ZNF442: variants seen among roughly 807,000 people sequenced by gnomAD.
ZNF442 encodes zinc finger protein 442.
ZNF442 carries 45 observed loss-of-function variants against 57.0 expected under a neutral mutation model. That is an observed-to-expected ratio of 0.79 (90% CI 0.62 to 1.01). The LOEUF (loss-of-function observed/expected upper bound fraction) is 1.01, where lower values mean the gene tolerates loss of function less well. Among genes scored for constraint, ZNF442 ranks in the 50% least tolerant of loss-of-function variants. The pLI, the probability that ZNF442 is intolerant of heterozygous loss-of-function variation, is 0.00. For synonymous variants in ZNF442, 213 were observed against 241.8 expected (o/e 0.88, Z 1.10); for missense variants, 690 against 756.5 (o/e 0.91, Z 1.03).
At chr19:12,352,361 G>T (rs552668691) in intron 4 of ZNF442, among the ~76,000 whole-genome samples, 1 of 152,206 alleles carries the variant, frequency 6.6e-6, no homozygotes, top group Non-Finnish European at 1.5e-5. Context: ...GGGACTACAG[G>T]TGTGCACCAC....
At chr19:12,366,880 C>T (rs905296162), upstream of ZNF442, among the ~76,000 whole-genome samples, 7 of 152,206 alleles carry the variant, frequency 4.6e-5, no homozygotes, top group South Asian at 2.1e-4. Context: ...GGCAATCCGC[C>T]GGCCTCGGCC....
At chr19:12,360,746 G>C (rs1404466229) in intron 3 of ZNF442, among the ~76,000 whole-genome samples, 2 of 152,058 alleles carry the variant, frequency 1.3e-5, no homozygotes, top group Admixed American at 1.3e-4. Flanking sequence ...CCGTGGTGGT[G>C]GTGGGCGCCT....
At position 12,350,686 on chromosome 19, in the gene ZNF442, C is replaced by T. The variant is rs1473301722; in HGVS notation, c.899G>A (p.Arg300Lys). Residue 300 changes from arginine to lysine, a missense_variant, in exon 6 of 6, where the codon AGA becomes AAA. By Grantham distance (26) the Arg-to-Lys change is conservative. Coordinates refer to ENST00000242804, the MANE Select transcript of ZNF442 (RefSeq NM_030824.3). ...EKPYKCKRCG[R>K]AFSVSSSLRI... is the part of the protein sequence containing the mutation. ...AAGGGAACTGGAAACACTGAAGGCT[C>T]TTCCACATCGTTTACATTTATAGGG... 1 of 1,612,800 alleles carries T rather than the reference C, an allele frequency of 6.2e-7. No individual in the cohort carries two copies. Among genetic ancestry groups the T allele is most frequent in the South Asian group, 1.1e-5 (1 of 90,962 alleles).
intron 3 of ZNF442, among the ~76,000 whole-genome samples, chr19:12,358,201 G>A (rs1003265236): frequency 6.6e-6 from 1 of 152,048 alleles, no homozygotes; most frequent in Non-Finnish European, 1.5e-5. Flanking sequence ...CTGACCTCAT[G>A]ATCCACCTGC....
chr19:12,349,723 G>T lies in ZNF442; in HGVS notation c.1862C>A (p.Thr621Asn). 1 of 1,609,624 alleles carries T rather than the reference G, an allele frequency of 6.2e-7. No individual in the cohort carries two copies. Among genetic ancestry groups the T allele is most frequent in the Non-Finnish European group, 8.5e-7 (1 of 1,177,968 alleles). ...CATTTATAGAGTATCTCTCCAGTGA[G>T]TCCTTTTATGTCTATGCAAGGAACT... Reference protein sequence around the residue: ...SLSSLHRHKRTHWRDTL With the variant: ...SLSSLHRHKRNHWRDTL The change falls in exon 6 of 6, where the codon ACT becomes AAT. Residue 621 changes from threonine (T) to asparagine (N), a missense_variant. By Grantham distance (65) the Thr-to-Asn change is moderately conservative (BLOSUM62 0). Coordinates refer to ENST00000242804, the MANE Select transcript of ZNF442 (RefSeq NM_030824.3).
At chr19:12,356,046 G>A (rs1434654989) in intron 3 of ZNF442, among the ~76,000 whole-genome samples, 3 of 151,470 alleles carry the variant, frequency 2.0e-5, no homozygotes, top group Non-Finnish European at 4.4e-5. Context: ...TTTCAAATGA[G>A]GAGTCTTCCA....
the ZNF442 span, among the ~76,000 whole-genome samples, chr19:12,372,517 T>A: frequency 6.6e-6 from 1 of 151,996 alleles, no homozygotes; most frequent in Non-Finnish European, 1.5e-5. Context: ...TCTAGAGGAA[T>A]ATAAAAGACA....
chr19:12,371,884 A>G, the ZNF442 span, among the ~76,000 whole-genome samples: 2 of 152,216 alleles, frequency 1.3e-5, no homozygotes, highest in Non-Finnish European at 2.9e-5. Flanking sequence ...ACACAGGAAC[A>G]GGCAAACATT....
intron 1 of ZNF442, 72 bp downstream of exon 1, chr19:12,365,461 G>A: frequency 2.6e-6 from 1 of 382,956 alleles, no homozygotes; most frequent in East Asian, 7.9e-5. Flanking sequence ...CCCGGGTCCC[G>A]CCACAGCCGG....
Position 12,351,983 on chromosome 19 carries a change from T to C in ZNF442, c.266+27A>G, listed in dbSNP as rs563300387. ...TCCTAAGAATTGCTCCACAGATATA[T>C]GTCTTTCTCTTGTGAGTGCAAATTA... On this transcript the variant is annotated intron_variant, in intron 5 of 5. Coordinates refer to ENST00000242804, the MANE Select transcript of ZNF442 (RefSeq NM_030824.3). The C allele has an allele frequency of 5.5e-5, 88 of 1,605,900 alleles. 1 individual carries two copies. The South Asian group carries it at 9.5e-4, about 17-fold the overall frequency.
intron 3 of ZNF442, among the ~76,000 whole-genome samples, chr19:12,354,567 T>A (rs77296483): frequency 2.8e-5 from 4 of 144,538 alleles, no homozygotes; most frequent in Non-Finnish European, 6.1e-5. Context: ...AGATAAAGAA[T>A]TTTTTTTTTT....
At chr19:12,352,156 A>G (rs1599587873) in intron 4 of ZNF442, 86 bp from the exon 5 acceptor site, 1 of 1,289,354 alleles carries the variant, frequency 7.8e-7, no homozygotes. Flanking sequence ...GGAATCATGC[A>G]TGATTCATTC....
At chr19:12,354,735 T>C (rs1343182571) in intron 3 of ZNF442, among the ~76,000 whole-genome samples, 1 of 152,210 alleles carries the variant, frequency 6.6e-6, no homozygotes, top group Admixed American at 6.5e-5. Flanking sequence ...CACACTCAGC[T>C]AAAACATTTA....
chr19:12,352,258 C>A (rs1283775150), intron 4 of ZNF442, among the ~76,000 whole-genome samples, 188 bp from the exon 5 acceptor site: 1 of 152,076 alleles, frequency 6.6e-6, no homozygotes, highest in Non-Finnish European at 1.5e-5. Context: ...CGCTCTGTTG[C>A]CCAGGCTGGA....
chr19:12,371,670 A>T, the ZNF442 span, among the ~76,000 whole-genome samples: 38 of 152,234 alleles, frequency 2.5e-4, no homozygotes, highest in Non-Finnish European at 5.6e-4. Context: ...GATCTTGGAC[A>T]AAGCTGACAA....
At position 12,347,812 on chromosome 19, in the gene ZNF442, C is replaced by T. The variant is rs1256555858; in HGVS notation, c.*1889G>A. The T allele has an allele frequency of 6.6e-6, 1 of 152,232 alleles. No homozygotes were observed. Among genetic ancestry groups the T allele is most frequent in the Admixed American group, 6.5e-5 (1 of 15,276 alleles). 9.4% of individuals were successfully genotyped at this position (152,232 alleles called of 1,614,324 possible). On this transcript the variant is annotated 3_prime_UTR_variant, in exon 6 of 6. Coordinates refer to ENST00000242804, the MANE Select transcript of ZNF442 (RefSeq NM_030824.3). Reference sequence around the variant, plus strand: ...CTTCTCAGGTTTACTCCCAATAAAACTGTCTCAACTGTTGAGCCACCTTCT... The same window carrying T: ...CTTCTCAGGTTTACTCCCAATAAAATTGTCTCAACTGTTGAGCCACCTTCT...
intron 3 of ZNF442, among the ~76,000 whole-genome samples, chr19:12,356,321 C>T (rs375060647): frequency 4.0e-5 from 6 of 151,890 alleles, no homozygotes; most frequent in African/African-American, 1.4e-4. Flanking sequence ...TTAGTATGTA[C>T]AGTATGCTTA....
In ZNF442 at chr19:12,346,472, C is replaced by T. The variant is rs1239706968; in HGVS notation, c.*3229G>A. 6.6e-6 allele frequency: 1 copy of T among 152,024 alleles called. No homozygotes were observed. The highest frequency in any genetic ancestry group is 6.5e-5 in the Admixed American group (1 of 15,276). The allele number at this position is 152,024 out of a possible 1,614,324, so 9.4% of individuals were successfully genotyped here. A position where few individuals can be genotyped will look rare whatever the true frequency, so the allele number is the denominator to read the frequency against. ...ATGTGACAATGTGGAAAATAGAAAC[C>T]CTTATGCATTGCTGGAGAGAATGTA... On this transcript the variant is annotated 3_prime_UTR_variant, in exon 6 of 6. Coordinates refer to ENST00000242804, the MANE Select transcript of ZNF442 (RefSeq NM_030824.3).
chr19:12,367,915 G>A (rs911435781), upstream of ZNF442, among the ~76,000 whole-genome samples: 5 of 152,060 alleles, frequency 3.3e-5, no homozygotes, highest in African/African-American at 4.8e-5. Context: ...TGATCCACCC[G>A]CCTCGGCCTC....
Sources: allele counts gnomAD v4.1 joint callset (sites outside exome capture counted in the v4.1 genomes callset), GRCh38; gene constraint gnomAD v4.1.1; transcripts MANE v1.5; gene names NCBI Gene and HGNC (gene_info 2026-07-23, HGNC 2026-07-21).